Variants in CEP70 observed in about 807,000 individuals in gnomAD.
CEP70 encodes centrosomal protein 70.
CEP70 carries 70 observed loss-of-function variants against 90.9 expected under a neutral mutation model. That is an observed-to-expected ratio of 0.77 (90% CI 0.64 to 0.94). The LOEUF is 0.94. CEP70 is among the 40% of genes least tolerant of loss of function. CEP70 has a pLI of 0.00. For synonymous variants in CEP70, 220 were observed against 228.3 expected, an observed-to-expected ratio of 0.96 and a Z score of 0.33; for missense variants, 648 against 669.0, an observed-to-expected ratio of 0.97 and a Z score of 0.35.
chr3:138,511,112 C>A (rs1193360082), intron 11 of CEP70, among the ~76,000 whole-genome samples: 1 of 152,112 alleles, frequency 6.6e-6, no homozygotes, highest in Admixed American at 6.5e-5. Context: ...ACCTTGTGAT[C>A]CGCCCGCCTT....
chr3:138,578,669 C>G (rs2041684513), intron 2 of CEP70, among the ~76,000 whole-genome samples: 1 of 152,190 alleles, frequency 6.6e-6, no homozygotes, highest in Non-Finnish European at 1.5e-5. Context: ...TCAAACACTA[C>G]ACAAAAATAT....
chr3:138,520,688 G>A (rs928654180), intron 11 of CEP70, among the ~76,000 whole-genome samples: 5 of 152,242 alleles, frequency 3.3e-5, no homozygotes, highest in African/African-American at 1.2e-4. Context: ...AAAGCAGTGT[G>A]TAGAGGGAAA....
intron 6 of CEP70, among the ~76,000 whole-genome samples, chr3:138,562,441 G>A (rs1297752425): frequency 6.6e-6 from 1 of 152,142 alleles, no homozygotes; most frequent in African/African-American, 2.4e-5. Flanking sequence ...AGGAAAAAAT[G>A]TTAAGGGCAG....
chr3:138,499,992 A>G, intron 16 of CEP70, 118 bp downstream of exon 16: 2 of 722,256 alleles, frequency 2.8e-6, no homozygotes, highest in Non-Finnish European at 5.0e-6. Flanking sequence ...GACTGGACTT[A>G]AACTCCTGGG....
At chr3:138,578,978 G>T (rs970752466) in intron 2 of CEP70, among the ~76,000 whole-genome samples, 1 of 152,154 alleles carries the variant, frequency 6.6e-6, no homozygotes, top group Non-Finnish European at 1.5e-5. Context: ...CACCGAAGAG[G>T]GTAGGAAAGA....
rs1236242086 is a variant in CEP70, at chr3:138,511,283, C to T, written c.945-2739G>A. Among the ~76,000 whole-genome samples, 6 of 152,236 alleles carry T rather than the reference C, an allele frequency of 3.9e-5. 1 individual carries two copies. The highest frequency in any genetic ancestry group is 1.4e-4 in the African/African-American group (6 of 41,458). On this transcript the variant is annotated intron_variant, in intron 11 of 17. Transcript: ENST00000264982. The stretch of plus-strand genomic sequence containing the variant: ...CTTATATTCACTCAGTTGCTATTCT[C>T]TGCTTTCTAGTGAGTATATGCCCAA...
intron 2 of CEP70, among the ~76,000 whole-genome samples, chr3:138,580,928 G>A (rs2041819068): frequency 6.6e-6 from 1 of 151,966 alleles, no homozygotes; most frequent in Non-Finnish European, 1.5e-5. Flanking sequence ...TCAAGCAGAA[G>A]AATCAGTGAG....
At chr3:138,516,565 T>C (rs1049091592) in intron 11 of CEP70, among the ~76,000 whole-genome samples, 1 of 152,152 alleles carries the variant, frequency 6.6e-6, no homozygotes, top group Non-Finnish European at 1.5e-5. Context: ...TTTAAATTCT[T>C]TGTAGAGACA....
At chr3:138,502,094 T>C (rs894243814) in intron 13 of CEP70, among the ~76,000 whole-genome samples, 1 of 152,212 alleles carries the variant, frequency 6.6e-6, no homozygotes, top group South Asian at 2.1e-4. Flanking sequence ...TCTAGGGCCA[T>C]AGTATGGAAA....
intron 7 of CEP70, among the ~76,000 whole-genome samples, chr3:138,536,638 C>T (rs2038289072): frequency 6.6e-6 from 1 of 151,284 alleles, no homozygotes. Context: ...TAGGATATAG[C>T]AAATAATTAT....
At chr3:138,563,193 A>G (rs546849285) in intron 6 of CEP70, among the ~76,000 whole-genome samples, 9 of 152,210 alleles carry the variant, frequency 5.9e-5, no homozygotes, top group African/African-American at 1.2e-4. Context: ...ACCCAGATTC[A>G]TAAAGTAAAG....
At chr3:138,528,334 A>C (rs2107743578) in intron 10 of CEP70, among the ~76,000 whole-genome samples, 1 of 152,238 alleles carries the variant, frequency 6.6e-6, no homozygotes, top group Admixed American at 6.5e-5. Flanking sequence ...GAAAGCCACT[A>C]TGCCCAGCTT....
At chr3:138,586,644 G>T (rs1185363989) in intron 2 of CEP70, among the ~76,000 whole-genome samples, 1 of 152,120 alleles carries the variant, frequency 6.6e-6, no homozygotes, top group East Asian at 1.9e-4. Context: ...TGAACTCATG[G>T]AGACACAGAG....
chr3:138,565,005 G>A (rs1451515025), intron 6 of CEP70, among the ~76,000 whole-genome samples: 1 of 152,088 alleles, frequency 6.6e-6, no homozygotes, highest in Non-Finnish European at 1.5e-5. Flanking sequence ...AAAGTCTCAG[G>A]ATACAAAATC....
At chr3:138,572,039 AAG>A (rs1240222547) in intron 3 of CEP70, among the ~76,000 whole-genome samples, 1 of 150,190 alleles carries the variant, frequency 6.7e-6, no homozygotes, top group African/African-American at 2.5e-5. Flanking sequence ...TGGCCTCCCA[AAG>A]TGCTGAGATT....
chr3:138,567,894 A>C (rs2040895702), intron 6 of CEP70, among the ~76,000 whole-genome samples: 1 of 152,182 alleles, frequency 6.6e-6, no homozygotes, highest in African/African-American at 2.4e-5. Flanking sequence ...AAAGGGTAGA[A>C]GTAAAAATAT....
intron 11 of CEP70, among the ~76,000 whole-genome samples, chr3:138,509,313 C>T (rs1039602951): frequency 4.6e-5 from 7 of 152,130 alleles, no homozygotes; most frequent in Non-Finnish European, 8.8e-5. Flanking sequence ...AACAGCTAGA[C>T]GTTTGGTCCC....
At chr3:138,496,006 T>A (rs1169459731) in intron 17 of CEP70, 3 of 985,422 alleles carry the variant, frequency 3.0e-6, no homozygotes, top group Non-Finnish European at 3.6e-6. Flanking sequence ...TTGATTTTTC[T>A]TCCTAAGACT....
intron 13 of CEP70, among the ~76,000 whole-genome samples, chr3:138,504,347 C>T (rs2034788631): frequency 6.6e-6 from 1 of 152,130 alleles, no homozygotes; most frequent in Non-Finnish European, 1.5e-5. Flanking sequence ...ATCACCACCC[C>T]CAATTTTGTT....
Sources: gnomAD v4.1 joint callset for allele counts (sites outside exome capture counted in the v4.1 genomes callset) on GRCh38, gnomAD v4.1.1 for gene constraint, MANE v1.5 for transcripts, NCBI Gene and HGNC (gene_info 2026-07-23, HGNC 2026-07-21) for gene names.